The following LARGE1 variants were observed in gnomAD, a reference collection of about 807,000 sequenced individuals.
LARGE1 encodes LARGE xylosyl- and glucuronyltransferase 1, also known as xylosyl- and glucuronyltransferase LARGE1.
In LARGE1, 43 loss-of-function variants were observed where a neutral mutation model predicts 87.6. The observed-to-expected ratio is 0.49, with a 90% CI of 0.38 to 0.63. LARGE1 has a LOEUF of 0.63. Ranked by LOEUF, LARGE1 falls within the 30% of genes least tolerant of loss-of-function variation. LARGE1 has a pLI of 0.00. For synonymous variants in LARGE1, 434 were observed against 394.6 expected, an observed-to-expected ratio of 1.10 and a Z score of -1.18; for missense variants, 802 against 1,000.2, an observed-to-expected ratio of 0.80 and a Z score of 2.67.
intron 11 of LARGE1, among the ~76,000 whole-genome samples, chr22:33,231,697 T>C (rs538006286): frequency 6.6e-6 from 1 of 152,316 alleles, no homozygotes; most frequent in East Asian, 1.9e-4. Context: ...CTACGAAGAC[T>C]AATCCAGGTC....
At chr22:33,420,326 C>A (rs907803462) in intron 7 of LARGE1, among the ~76,000 whole-genome samples, 1 of 152,074 alleles carries the variant, frequency 6.6e-6, no homozygotes, top group Non-Finnish European at 1.5e-5. Flanking sequence ...TGGCCATAGA[C>A]AGCAGTGAAA....
At chr22:33,763,233 GC>G (rs1377519393) in intron 1 of LARGE1, among the ~76,000 whole-genome samples, 1 of 152,190 alleles carries the variant, frequency 6.6e-6, no homozygotes, top group Non-Finnish European at 1.5e-5. Flanking sequence ...ACCCTCTCAA[GC>G]TTCAGGAGTT....
intron 7 of LARGE1, among the ~76,000 whole-genome samples, chr22:33,399,607 G>T (rs2065871313): frequency 6.6e-6 from 1 of 152,260 alleles, no homozygotes; most frequent in East Asian, 1.9e-4. Context: ...GGAGTGCAAT[G>T]GTGCGATCTC....
chr22:33,437,318 G>C (rs2067306070), intron 6 of LARGE1, among the ~76,000 whole-genome samples: 2 of 152,158 alleles, frequency 1.3e-5, no homozygotes, highest in African/African-American at 4.8e-5. Context: ...CAGTAAAGTG[G>C]TGAAGAAAAT....
chr22:33,101,162 C>T, the LARGE1 span, among the ~76,000 whole-genome samples: 1 of 152,158 alleles, frequency 6.6e-6, no homozygotes, highest in African/African-American at 2.4e-5. Context: ...ACTTCTTTCA[C>T]ATCCATTCGT....
At chr22:33,482,971 T>C (rs182591700) in intron 6 of LARGE1, among the ~76,000 whole-genome samples, 80 of 152,282 alleles carry the variant, frequency 5.3e-4, no homozygotes, top group East Asian at 7.7e-4. Flanking sequence ...AGAGATTGCA[T>C]GCGGGATGGA....
At chr22:33,598,549 G>A (rs1270845120) in intron 5 of LARGE1, among the ~76,000 whole-genome samples, 1 of 150,654 alleles carries the variant, frequency 6.6e-6, no homozygotes, top group Non-Finnish European at 1.5e-5. Context: ...ACAGGCCCCA[G>A]TGTGTGATGT....
intron 5 of LARGE1, among the ~76,000 whole-genome samples, chr22:33,572,836 C>T (rs966625711): frequency 2.6e-5 from 4 of 152,066 alleles, no homozygotes; most frequent in African/African-American, 9.7e-5. Flanking sequence ...TGCCACTACA[C>T]TCCAGCCTGG....
At chr22:33,423,536 T>C (rs2066769619) in intron 7 of LARGE1, among the ~76,000 whole-genome samples, 1 of 151,508 alleles carries the variant, frequency 6.6e-6, no homozygotes. Flanking sequence ...ATAAATTAGC[T>C]GGGCATGGTG....
At chr22:33,789,736 C>T (rs1001135116) in intron 1 of LARGE1, among the ~76,000 whole-genome samples, 5 of 152,202 alleles carry the variant, frequency 3.3e-5, no homozygotes, top group African/African-American at 7.2e-5. Flanking sequence ...CATATGATTT[C>T]GGACATACAC....
intron 1 of LARGE1, among the ~76,000 whole-genome samples, chr22:33,814,929 A>G (rs1460619089): frequency 2.0e-5 from 3 of 152,236 alleles, no homozygotes; most frequent in African/African-American, 7.2e-5. Flanking sequence ...GCGAAACAAC[A>G]TGTGCAAGGA....
At chr22:33,376,930 G>C (rs1420826108) in intron 9 of LARGE1, among the ~76,000 whole-genome samples, 1 of 152,136 alleles carries the variant, frequency 6.6e-6, no homozygotes, top group East Asian at 1.9e-4. Context: ...GCTCAAATGT[G>C]GTTAAAAAGG....
chr22:33,427,578 G>A (rs746497216), intron 7 of LARGE1, among the ~76,000 whole-genome samples: 2 of 152,254 alleles, frequency 1.3e-5, no homozygotes, highest in Non-Finnish European at 2.9e-5. Flanking sequence ...TGCCTGGTAT[G>A]ATGCCTGGTG....
At chr22:33,753,292 A>C (rs1276153327) in intron 2 of LARGE1, among the ~76,000 whole-genome samples, 1 of 152,178 alleles carries the variant, frequency 6.6e-6, no homozygotes, top group Non-Finnish European at 1.5e-5. Context: ...AGAAGGAGAT[A>C]TAACAACAGA....
At chr22:33,391,821 G>A (rs1333386416) in intron 7 of LARGE1, among the ~76,000 whole-genome samples, 1 of 141,898 alleles carries the variant, frequency 7.0e-6, no homozygotes, top group Non-Finnish European at 1.5e-5. Flanking sequence ...TCAGGCAGGA[G>A]TGCAATGGCG....
At chr22:33,281,252 C>T (rs183260785) in intron 13 of LARGE1, among the ~76,000 whole-genome samples, 80 of 152,162 alleles carry the variant, frequency 5.3e-4, no homozygotes, top group Non-Finnish European at 9.9e-4. Flanking sequence ...GGTATGAAGA[C>T]GGCAGGAAGG....
rs183157606 is a variant in LARGE1 at position 33,537,602 on chromosome 22, T to G, written c.787+27246A>C. Reference sequence around the variant, plus strand: ...TGTTTTTTTAAGACGGAGGCTTGTCTGTCACCCAGGCTGGAGTGCAATGGC... The same window carrying G: ...TGTTTTTTTAAGACGGAGGCTTGTCGGTCACCCAGGCTGGAGTGCAATGGC... On this transcript the variant is annotated intron_variant, in intron 6 of 14. Coordinates refer to ENST00000397394, the MANE Select transcript of LARGE1 (RefSeq NM_133642.5). 2.1e-3 allele frequency among the ~76,000 whole-genome samples: 318 copies of G among 152,294 alleles called. 2 individuals carry two copies. Among genetic ancestry groups the G allele is most frequent in the African/African-American group, 7.5e-3 (310 of 41,572 alleles).
intron 5 of LARGE1, among the ~76,000 whole-genome samples, chr22:33,592,141 G>T (rs1172879171): frequency 6.6e-6 from 1 of 151,254 alleles, no homozygotes; most frequent in Non-Finnish European, 1.5e-5. Flanking sequence ...GGAAATCTTT[G>T]CCCAACTTGA....
intron 1 of LARGE1, among the ~76,000 whole-genome samples, chr22:33,887,262 C>T (rs910980131): frequency 6.6e-6 from 1 of 152,122 alleles, no homozygotes; most frequent in African/African-American, 2.4e-5. Context: ...GTGGAGCCCT[C>T]GAGAATAGGA....
Sources: gnomAD v4.1 joint callset for allele counts (sites outside exome capture counted in the v4.1 genomes callset) on GRCh38, gnomAD v4.1.1 for gene constraint, MANE v1.5 for transcripts, NCBI Gene and HGNC (gene_info 2026-07-23, HGNC 2026-07-21) for gene names.